Variants in ACSS3 observed in about 807,000 individuals in gnomAD.
ACSS3 encodes the protein acyl-CoA synthetase short chain family member 3, also known as acyl-CoA synthetase short-chain family member 3, mitochondrial.
ACSS3 carries 64 observed loss-of-function variants against 84.2 expected under a neutral mutation model. That is an observed-to-expected ratio of 0.76 (90% CI 0.62 to 0.94). ACSS3 has a LOEUF of 0.94. ACSS3 is among the 40% of genes least tolerant of loss of function. ACSS3 has a pLI of 0.00. For missense variants in ACSS3, 815 were observed against 867.6 expected (o/e 0.94, Z 0.76); for synonymous variants, 317 against 310.1 (o/e 1.02, Z -0.23).
chr12:81,088,726 A>G (rs1390151651), intron 1 of ACSS3, among the ~76,000 whole-genome samples: 1 of 151,992 alleles, frequency 6.6e-6, no homozygotes, highest in Admixed American at 6.6e-5. Flanking sequence ...GCTCCTAAAT[A>G]TATTCTATTG....
intron 7 of ACSS3, 107 bp downstream of exon 7, chr12:81,152,203 C>A: frequency 1.3e-6 from 1 of 743,232 alleles, no homozygotes; most frequent in Non-Finnish European, 2.1e-6. Flanking sequence ...GGACAGGGGA[C>A]ATTATTATAT....
intron 9 of ACSS3, among the ~76,000 whole-genome samples, chr12:81,213,793 T>TTTCTCTTCTCTTCTCTTCTC (rs751583733): frequency 0.096 from 2,953 of 30,812 alleles, 589 homozygotes; most frequent in Middle Eastern, 0.17. Flanking sequence ...TCTCTTCTCT[T>TTTCTCTTCTCTTCTCTTCTC]TTCTCTTCTC....
chr12:81,191,297 C>A (rs769674261), intron 8 of ACSS3, among the ~76,000 whole-genome samples: 2 of 151,720 alleles, frequency 1.3e-5, no homozygotes, highest in Non-Finnish European at 2.9e-5. Flanking sequence ...TTTTACCTGC[C>A]CTAAAAATCT....
At chr12:81,107,061 G>A (rs1421930196) in intron 1 of ACSS3, among the ~76,000 whole-genome samples, 1 of 152,004 alleles carries the variant, frequency 6.6e-6, no homozygotes, top group African/African-American at 2.4e-5. Flanking sequence ...TTTAAGTAGA[G>A]ATGTCCTGCA....
At chr12:81,242,292 C>T (rs1026363349) in intron 13 of ACSS3, among the ~76,000 whole-genome samples, 116 of 152,268 alleles carry the variant, frequency 7.6e-4, no homozygotes, top group African/African-American at 2.6e-3. Context: ...CATACACTCT[C>T]GCAAGACCAA....
At chr12:81,252,794 A>G (rs1361460024) in intron 13 of ACSS3, among the ~76,000 whole-genome samples, 1 of 152,114 alleles carries the variant, frequency 6.6e-6, no homozygotes, top group Non-Finnish European at 1.5e-5. Flanking sequence ...GTCCTGGAAA[A>G]TCATCTCTGG....
In ACSS3 at chr12:81,255,016, A is replaced by G; in HGVS notation, c.*94A>G. 8.8e-7 allele frequency: 1 copy of G among 1,138,714 alleles called. No homozygotes were observed. The highest frequency in any genetic ancestry group is 1.2e-6 in the Non-Finnish European group (1 of 815,754). The allele number at this position is 1,138,714 out of a possible 1,614,324, so 70.5% of individuals were successfully genotyped here. A position where few individuals can be genotyped will look rare whatever the true frequency, so the allele number is the denominator to read the frequency against. ...TCTCAGAAATAAATATTTCAGTAGA[A>G]ATTACTTGCAAAATGAAATGTGAAT... On this transcript the variant is annotated 3_prime_UTR_variant, in exon 16 of 16. Coordinates refer to ENST00000548058, the MANE Select transcript of ACSS3 (RefSeq NM_024560.4).
chr12:81,181,842 T>TG (rs1474796068), intron 8 of ACSS3, among the ~76,000 whole-genome samples: 1 of 151,104 alleles, frequency 6.6e-6, no homozygotes, highest in Admixed American at 6.6e-5. Context: ...ATCAGTCTTT[T>TG]GAAATGACTC....
chr12:81,097,938 T>A (rs974566199), intron 1 of ACSS3, among the ~76,000 whole-genome samples: 1 of 151,982 alleles, frequency 6.6e-6, no homozygotes, highest in African/African-American at 2.4e-5. Context: ...CGGCATTTTG[T>A]TCAACTTTGT....
At chr12:81,092,641 G>A (rs1170199575) in intron 1 of ACSS3, among the ~76,000 whole-genome samples, 14 of 152,180 alleles carry the variant, frequency 9.2e-5, no homozygotes, top group East Asian at 3.9e-4. Flanking sequence ...AAACAAGCAG[G>A]AAGGCAAGGG....
chr12:81,258,228 G>A lies in ACSS3; in HGVS notation c.*3306G>A, dbSNP rs182674078. On this transcript the variant is annotated 3_prime_UTR_variant, in exon 16 of 16. Coordinates refer to ENST00000548058, the MANE Select transcript of ACSS3 (RefSeq NM_024560.4). The stretch of plus-strand genomic sequence containing the variant: ...CCTGATAGTTTAAGTAAATTGTCGA[G>A]CCTTATGTGACTAGAAAACAAAGCT... 4 of 152,172 alleles carry A rather than the reference G, an allele frequency of 2.6e-5. No individual in the cohort carries two copies. The highest frequency in any genetic ancestry group is 9.6e-5 in the African/African-American group (4 of 41,526). The allele number at this position is 152,172 out of a possible 1,614,324, so 9.4% of individuals were successfully genotyped here.
At chr12:81,153,407 C>CAA (rs537765971) in intron 7 of ACSS3, among the ~76,000 whole-genome samples, 4 of 83,058 alleles carry the variant, frequency 4.8e-5, no homozygotes, top group Admixed American at 1.2e-4. Context: ...GACTCCATCT[C>CAA]AAAAAAAAAA....
chr12:81,201,750 G>A (rs2032119476), intron 9 of ACSS3, among the ~76,000 whole-genome samples: 1 of 152,094 alleles, frequency 6.6e-6, no homozygotes, highest in African/African-American at 2.4e-5. Context: ...CATCCCGTTT[G>A]CTTTTACAGC....
chr12:81,241,181 C>A (rs1424574071), intron 13 of ACSS3, among the ~76,000 whole-genome samples: 1 of 152,048 alleles, frequency 6.6e-6, no homozygotes, highest in Admixed American at 6.6e-5. Flanking sequence ...TTTTTTATGG[C>A]TGCATAGTAT....
At chr12:81,096,528 C>T (rs551139006) in intron 1 of ACSS3, among the ~76,000 whole-genome samples, 45 of 152,182 alleles carry the variant, frequency 3.0e-4, no homozygotes, top group Admixed American at 1.3e-3. Context: ...AAAATGCAGG[C>T]TTGTTACATA....
rs1460003768 is a variant in ACSS3 at position 81,139,178 on chromosome 12, G to A, written c.693G>A (p.Arg231=). The change falls in exon 4 of 16, where the codon AGG becomes AGA. Residue 231 remains arginine, a synonymous_variant. Coordinates refer to ENST00000548058, the MANE Select transcript of ACSS3 (RefSeq NM_024560.4). Reference sequence around the variant, plus strand: ...CATTTGGCATTGAACCTGGAAGGAGGGTAGAGTACGTACCACTTGTAGAAG... The same window carrying A: ...CATTTGGCATTGAACCTGGAAGGAGAGTAGAGTACGTACCACTTGTAGAAG... ...TASFGIEPGR[R]VEYVPLVEEA... 2 of 1,613,612 alleles carry A rather than the reference G, an allele frequency of 1.2e-6. No individual in the cohort carries two copies. Among genetic ancestry groups the A allele is most frequent in the Admixed American group, 3.3e-5 (2 of 60,002 alleles).
At chr12:81,182,365 T>G (rs989682231) in intron 8 of ACSS3, among the ~76,000 whole-genome samples, 31 of 152,206 alleles carry the variant, frequency 2.0e-4, no homozygotes, top group African/African-American at 7.0e-4. Flanking sequence ...CCATTATCAT[T>G]AGACCTGCCT....
intron 2 of ACSS3, among the ~76,000 whole-genome samples, chr12:81,128,154 C>T (rs922244330): frequency 6.6e-6 from 1 of 151,686 alleles, no homozygotes; most frequent in Admixed American, 6.6e-5. Flanking sequence ...GTTGCATTTT[C>T]TTTACAATTA....
chr12:81,253,221 A>G (rs1593246955), intron 13 of ACSS3, 86 bp from the exon 14 acceptor site: 2 of 1,378,234 alleles, frequency 1.5e-6, no homozygotes, highest in East Asian at 4.7e-5. Flanking sequence ...GTGTTTGTAT[A>G]TCTATATCTG....
Sources: allele counts gnomAD v4.1 joint callset (sites outside exome capture counted in the v4.1 genomes callset), GRCh38; gene constraint gnomAD v4.1.1; transcripts MANE v1.5; gene names NCBI Gene and HGNC (gene_info 2026-07-23, HGNC 2026-07-21).